The following DNAH12 variants were observed in gnomAD, a reference collection of about 807,000 sequenced individuals.
The protein encoded by DNAH12 is axonemal beta dynein heavy chain 12.
Under a neutral mutation model 371.5 loss-of-function variants are expected in DNAH12, and 285 were observed. The observed-to-expected ratio is 0.77, with a 90% confidence interval of 0.70 to 0.85. The LOEUF (loss-of-function observed/expected upper bound fraction) is 0.85, where lower values mean the gene tolerates loss of function less well. DNAH12 is among the 40% of genes least tolerant of loss of function. The pLI, the probability that DNAH12 is intolerant of heterozygous loss-of-function variation, is 0.00. For missense variants in DNAH12, 3,611 were observed against 3,689.4 expected, an observed-to-expected ratio of 0.98 and a Z score of 0.55; for synonymous variants, 1,200 against 1,213.0, an observed-to-expected ratio of 0.99 and a Z score of 0.22.
chr3:57,429,698 T>G lies in DNAH12; in HGVS notation c.5057A>C (p.Gln1686Pro). 1 of 1,535,400 alleles carries G rather than the reference T, an allele frequency of 6.5e-7. No individual in the cohort carries two copies. Among genetic ancestry groups the G allele is most frequent in the Non-Finnish European group, 8.8e-7 (1 of 1,141,494 alleles). ...ATTAAATTATGAACTTACGGATGCC[T>G]GGGAAAGGTCCATTGTTTCAAAGAT... ...SLIFETMDLS[Q>P]ASPATVSRCG... The change falls in exon 33 of 74, where the codon CAG (glutamine) becomes CCG (proline). Residue 1686 changes from glutamine to proline, a missense_variant. Around this residue, in one of 3 missense-constraint regions of DNAH12, gnomAD observed 2,266 missense variants for 2,236.9 expected, o/e 1.01. Coordinates refer to ENST00000495027, the MANE Select transcript of DNAH12 (RefSeq NM_001366028.2).
At chr3:57,458,335 AT>A (rs2065960405) in intron 20 of DNAH12, 115 bp from the exon 21 acceptor site, 4 of 1,272,218 alleles carry the variant, frequency 3.1e-6, no homozygotes, top group Non-Finnish European at 4.1e-6. Context: ...TTATGAAAAA[AT>A]GTCAAAGGTT....
At chr3:57,442,282 CTT>C (rs11335744) in intron 29 of DNAH12, among the ~76,000 whole-genome samples, 4 of 149,174 alleles carry the variant, frequency 2.7e-5, no homozygotes, top group Non-Finnish European at 3.0e-5. Context: ...GCGTAAGAGG[CTT>C]TTTTTTTTCA....
intron 11 of DNAH12, among the ~76,000 whole-genome samples, chr3:57,490,173 A>G (rs1182710047): frequency 2.0e-5 from 3 of 152,110 alleles, no homozygotes; most frequent in East Asian, 3.9e-4. Flanking sequence ...GGTTTTTGTC[A>G]AAATACTCCA....
intron 2 of DNAH12, among the ~76,000 whole-genome samples, chr3:57,542,446 A>C (rs955532794): frequency 9.2e-5 from 14 of 152,304 alleles, no homozygotes; most frequent in African/African-American, 3.4e-4. Context: ...TACTCATCTA[A>C]ACAATGGAGC....
Position 57,446,075 on chromosome 3 carries a change from T to A in DNAH12, c.4135A>T (p.Asn1379Tyr). 6.4e-7 allele frequency: 1 copy of A among 1,551,686 alleles called. No homozygotes were observed. The highest frequency in any genetic ancestry group is 1.4e-5 in the African/African-American group (1 of 73,164). ...TCAGAGCGTCCTGCATAGCCAGGAT[T>A]CATGGTAATAGCTACAAAACAATTC... Reference protein sequence around the residue: ...NPNCFVAITMNPGYAGRSELP... With the variant: ...NPNCFVAITMYPGYAGRSELP... Residue 1379 changes from asparagine to tyrosine, a missense_variant, in exon 27 of 74, where the codon AAT (asparagine) becomes TAT (tyrosine). Around this residue, in one of 3 missense-constraint regions of DNAH12, gnomAD observed 2,266 missense variants for 2,236.9 expected, o/e 1.01. Coordinates refer to ENST00000495027, the MANE Select transcript of DNAH12 (RefSeq NM_001366028.2).
Position 57,385,382 on chromosome 3 carries a change from C to T in DNAH12, c.7650G>A (p.Glu2550=), listed in dbSNP as rs2063480328. The part of the protein sequence containing the change: ...MELVELQPKL[E]EAKIENANMM... ...TATTTGCATTTTCAATTTTAGCTTC[C>T]TCCAATTTGGGCTGTAATTCAACAA... Residue 2550 remains glutamate, a synonymous_variant, in exon 48 of 74, where the codon GAG becomes GAA. Transcript: ENST00000495027. The T allele has an allele frequency of 6.6e-6, 1 of 152,164 alleles. No homozygotes were observed. Among genetic ancestry groups the T allele is most frequent in the Non-Finnish European group, 1.5e-5 (1 of 68,028 alleles). The allele number at this position is 152,164 out of a possible 1,614,324, so 9.4% of individuals were successfully genotyped here.
At chr3:57,447,560 C>T (rs904553359) in intron 25 of DNAH12, among the ~76,000 whole-genome samples, 3 of 152,146 alleles carry the variant, frequency 2.0e-5, no homozygotes, top group Non-Finnish European at 4.4e-5. Flanking sequence ...AAAGGTCTAC[C>T]TTTAAAAATA....
At chr3:57,513,304 G>A (rs980295483) in intron 4 of DNAH12, among the ~76,000 whole-genome samples, 2 of 152,200 alleles carry the variant, frequency 1.3e-5, no homozygotes, top group Admixed American at 1.3e-4. Flanking sequence ...ACTCATAAGT[G>A]GGAGGTGAAC....
At chr3:57,426,159 A>G (rs1163349001) in intron 34 of DNAH12, among the ~76,000 whole-genome samples, 1 of 152,212 alleles carries the variant, frequency 6.6e-6, no homozygotes, top group Non-Finnish European at 1.5e-5. Flanking sequence ...GAGCAGACAC[A>G]GATTATTAAG....
chr3:57,348,846 G>A lies in DNAH12; in HGVS notation c.9674+3239C>T, dbSNP rs782731062. 3.3e-5 allele frequency among the ~76,000 whole-genome samples: 5 copies of A among 152,132 alleles called. 1 individual carries two copies. Among genetic ancestry groups the A allele is most frequent in the Middle Eastern group, 6.8e-3 (2 of 294 alleles). The stretch of plus-strand genomic sequence containing the variant: ...TCATCAAAACTTCAGTGCATTACTG[G>A]GTATCTTTCCACTTTGGACTTGACC... On this transcript the variant is annotated intron_variant, in intron 60 of 73. Transcript: ENST00000495027.
intron 12 of DNAH12, among the ~76,000 whole-genome samples, chr3:57,487,964 G>A (rs1426813309): frequency 6.6e-6 from 1 of 151,414 alleles, no homozygotes; most frequent in Admixed American, 6.6e-5. Flanking sequence ...CTCAAGAAAG[G>A]GAAAGGTTCT....
intron 60 of DNAH12, among the ~76,000 whole-genome samples, chr3:57,343,475 C>G (rs558763523): frequency 3.9e-5 from 6 of 152,340 alleles, no homozygotes; most frequent in Non-Finnish European, 7.3e-5. Flanking sequence ...TCGGCATTCT[C>G]TAGTCTCAGC....
At chr3:57,377,917 G>A (rs1390110185) in intron 52 of DNAH12, among the ~76,000 whole-genome samples, 1 of 152,116 alleles carries the variant, frequency 6.6e-6, no homozygotes, top group Non-Finnish European at 1.5e-5. Context: ...GTGTGTGCCT[G>A]TTAGAAAGAA....
chr3:57,525,071 T>G (rs1470553), intron 2 of DNAH12, among the ~76,000 whole-genome samples: 133,010 of 150,868 alleles, frequency 0.88, 59,143 homozygotes, highest in African/African-American at 0.96. Context: ...GAAAAAATTG[T>G]AGGGTGTCAA....
chr3:57,519,718 C>T lies in DNAH12; in HGVS notation c.279+3865G>A, dbSNP rs541912150. The T allele has an allele frequency of 2.2e-5, 36 of 1,611,230 alleles. No individual in the cohort carries two copies. The East Asian group carries it at 7.8e-4, about 35-fold the overall frequency. ...CCAGTCCTGCTGGCAGAGAGGGCAG[C>T]GATTGTTCTGTTTCACCCACAGGGA... On this transcript the variant is annotated intron_variant, in intron 4 of 73. Transcript: ENST00000495027.
At chr3:57,552,041 G>A in the DNAH12 span, among the ~76,000 whole-genome samples, 2 of 150,646 alleles carry the variant, frequency 1.3e-5, no homozygotes, top group African/African-American at 2.4e-5. Flanking sequence ...TCAAGAGATC[G>A]AGACCATCCT....
intron 29 of DNAH12, 80 bp downstream of exon 29, chr3:57,444,617 C>T: frequency 6.6e-7 from 1 of 1,515,662 alleles, no homozygotes; most frequent in South Asian, 1.3e-5. Flanking sequence ...TAATTTCACA[C>T]ATTAATAAAT....
chr3:57,521,313 T>C (rs910116180), intron 4 of DNAH12, among the ~76,000 whole-genome samples: 2 of 152,026 alleles, frequency 1.3e-5, no homozygotes, highest in Non-Finnish European at 2.9e-5. Context: ...GATATCCAAT[T>C]GCTTTCCGCC....
intron 29 of DNAH12, among the ~76,000 whole-genome samples, chr3:57,444,380 C>CA (rs2065407797): frequency 6.6e-6 from 1 of 151,888 alleles, no homozygotes; most frequent in Non-Finnish European, 1.5e-5. Context: ...TTAGTGGAGA[C>CA]AGGGTTTCAC....
Sources: allele counts gnomAD v4.1 joint callset (sites outside exome capture counted in the v4.1 genomes callset), GRCh38; gene constraint gnomAD v4.1.1; regional missense constraint gnomAD v4.1.1; transcripts MANE v1.5; gene names NCBI Gene and HGNC (gene_info 2026-07-23, HGNC 2026-07-21).